Variants in DCAF6 observed in about 807,000 individuals in gnomAD.
DCAF6 encodes the protein DDB1 and CUL4 associated factor 6, also known as DDB1- and CUL4-associated factor 6.
Under a neutral mutation model 125.1 loss-of-function variants are expected in DCAF6, and 54 were observed. The observed-to-expected ratio is 0.43, with a 90% CI of 0.35 to 0.54. DCAF6 has a LOEUF of 0.54. DCAF6 is among the 20% of genes least tolerant of loss of function. The pLI is 0.01. For synonymous variants in DCAF6, 371 were observed against 390.4 expected (o/e 0.95, Z 0.58); for missense variants, 934 against 1,161.7 (o/e 0.80, Z 2.85).
At chr1:168,057,927 T>C (rs1691094013) in intron 17 of DCAF6, among the ~76,000 whole-genome samples, 1 of 152,250 alleles carries the variant, frequency 6.6e-6, no homozygotes. Flanking sequence ...AATCTACCTG[T>C]TCACCCTATT....
intron 2 of DCAF6, among the ~76,000 whole-genome samples, chr1:167,952,933 A>G (rs1674198766): frequency 6.6e-6 from 1 of 152,130 alleles, no homozygotes; most frequent in African/African-American, 2.4e-5. Context: ...AGATTTTGCC[A>G]TATTTTCTTT....
At chr1:168,045,670 G>C (rs956975635) in intron 16 of DCAF6, among the ~76,000 whole-genome samples, 5 of 152,014 alleles carry the variant, frequency 3.3e-5, no homozygotes, top group African/African-American at 1.2e-4. Context: ...CTGTTTTTGG[G>C]AACACTGTTT....
chr1:167,867,811 T>C, the DCAF6 span, among the ~76,000 whole-genome samples: 1 of 151,798 alleles, frequency 6.6e-6, no homozygotes, highest in Non-Finnish European at 1.5e-5. Context: ...AGGAAATAAG[T>C]ATATCTGCCA....
the DCAF6 span, among the ~76,000 whole-genome samples, chr1:167,871,753 G>C: frequency 6.6e-6 from 1 of 152,200 alleles, no homozygotes; most frequent in South Asian, 2.1e-4. Context: ...GCTTTGCTTG[G>C]TAATATACAT....
chr1:167,867,285 T>C, the DCAF6 span, among the ~76,000 whole-genome samples: 1 of 152,176 alleles, frequency 6.6e-6, no homozygotes, highest in Non-Finnish European at 1.5e-5. Flanking sequence ...GAAAAAGCCC[T>C]GCTCCAGTCA....
chr1:167,881,193 T>C, the DCAF6 span, among the ~76,000 whole-genome samples: 357 of 152,326 alleles, frequency 2.3e-3, 1 homozygote, highest in African/African-American at 8.3e-3. Flanking sequence ...GCTTAGGCTG[T>C]AAGTAGGTTT....
intron 1 of DCAF6, among the ~76,000 whole-genome samples, chr1:167,951,186 G>A (rs934483170): frequency 4.6e-5 from 7 of 152,168 alleles, no homozygotes; most frequent in Non-Finnish European, 8.8e-5. Context: ...CTGACACAGA[G>A]TGAGTACTCA....
At chr1:168,056,494 C>CTTCAATCTTTGAATTGAAAAAAAT (rs1690867023) in intron 17 of DCAF6, 1 of 699,064 alleles carries the variant, frequency 1.4e-6, no homozygotes, top group Non-Finnish European at 1.8e-6. Context: ...GGGGAGGGGC[C>CTTCAATCTTTGAATTGAAAAAAAT]CAGGCTTAAG....
At chr1:167,947,787 C>T (rs1021306302) in intron 1 of DCAF6, among the ~76,000 whole-genome samples, 4 of 152,162 alleles carry the variant, frequency 2.6e-5, no homozygotes, top group Admixed American at 2.6e-4. Flanking sequence ...TGTGGCTTAA[C>T]ATATGGTCTG....
intron 2 of DCAF6, among the ~76,000 whole-genome samples, chr1:167,953,003 C>T (rs747221943): frequency 6.6e-6 from 1 of 152,158 alleles, no homozygotes; most frequent in Non-Finnish European, 1.5e-5. Flanking sequence ...GAAGATCCGC[C>T]TTGCTGAAGA....
rs1281264241 is a variant in DCAF6, at chr1:168,041,892, GCGCACACACACACACA to G, written c.1728-1131_1728-1116del. Among the ~76,000 whole-genome samples the G allele has an allele frequency of 7.1e-4, 85 of 119,848 alleles. 2 individuals are homozygous for G. Among genetic ancestry groups the G allele is most frequent in the Middle Eastern group, 3.8e-3 (1 of 266 alleles). 78.6% of individuals were successfully genotyped at this position (119,848 alleles called of 152,430 possible). A position where few individuals can be genotyped will look rare whatever the true frequency, so the allele number is the denominator to read the frequency against. ...GGTTTAAAAGAAATACATGTTTGTC[GCGCACACACACACACA>G]CACACACACACACACACACACACAC... is the stretch of plus-strand genomic sequence containing the variant. On this transcript the variant is annotated intron_variant, in intron 13 of 21. Transcript: ENST00000367840.
At chr1:168,069,701 C>G (rs1230668518) in intron 21 of DCAF6, among the ~76,000 whole-genome samples, 1 of 152,068 alleles carries the variant, frequency 6.6e-6, no homozygotes, top group Non-Finnish European at 1.5e-5. Context: ...TAAATATTAA[C>G]TTTTACCAGG....
intron 11 of DCAF6, among the ~76,000 whole-genome samples, chr1:168,017,226 GT>G (rs1553235384): frequency 5.3e-4 from 72 of 136,380 alleles, no homozygotes; most frequent in South Asian, 6.9e-4. Context: ...AAACATTTTT[GT>G]TTTTTTTTTT....
chr1:167,952,188 C>CT (rs1216485934), intron 2 of DCAF6, among the ~76,000 whole-genome samples: 2 of 151,504 alleles, frequency 1.3e-5, no homozygotes, highest in African/African-American at 4.9e-5. Flanking sequence ...TTTTTTCATA[C>CT]TTTTTTTTGT....
chr1:167,898,260 G>A, the DCAF6 span, among the ~76,000 whole-genome samples: 1 of 152,020 alleles, frequency 6.6e-6, no homozygotes, highest in Non-Finnish European at 1.5e-5. Flanking sequence ...TTTTCTGTAA[G>A]TCTAACATGA....
At chr1:168,051,060 T>G (rs950963454) in intron 17 of DCAF6, 127 bp downstream of exon 17, 1 of 450,210 alleles carries the variant, frequency 2.2e-6, no homozygotes. Flanking sequence ...TTCTAAGTGC[T>G]AAGCATTGTA....
At chr1:167,878,577 C>T in the DCAF6 span, 7 of 1,614,050 alleles carry the variant, frequency 4.3e-6, no homozygotes, top group Non-Finnish European at 5.9e-6. Flanking sequence ...AGTCGCAGGT[C>T]ACAATTCCTG....
intron 7 of DCAF6, among the ~76,000 whole-genome samples, chr1:167,997,361 G>A (rs1681877284): frequency 6.6e-6 from 1 of 152,172 alleles, no homozygotes; most frequent in Non-Finnish European, 1.5e-5. Context: ...CCTTTTGGGA[G>A]TGATTAGTTG....
At chr1:167,951,746 T>C (rs1310760019) in intron 1 of DCAF6, 54 bp from the exon 2 acceptor site, 17 of 1,182,368 alleles carry the variant, frequency 1.4e-5, no homozygotes, top group Non-Finnish European at 2.1e-5. Context: ...TTCTGTGTTA[T>C]ATTTTTCTCA....
Sources: gnomAD v4.1 joint callset for allele counts (sites outside exome capture counted in the v4.1 genomes callset) on GRCh38, gnomAD v4.1.1 for gene constraint, MANE v1.5 for transcripts, NCBI Gene and HGNC (gene_info 2026-07-23, HGNC 2026-07-21) for gene names.